DNAH6: variants seen among roughly 807,000 people sequenced by gnomAD.
DNAH6 encodes axonemal beta dynein heavy chain 6.
In DNAH6, 340 loss-of-function variants were observed where a neutral mutation model predicts 491.4. The observed-to-expected ratio is 0.69, with a 90% CI of 0.63 to 0.76. The LOEUF (loss-of-function observed/expected upper bound fraction) is 0.76, where lower values mean the gene tolerates loss of function less well. Among genes scored for constraint, DNAH6 ranks in the 30% least tolerant of loss-of-function variants. DNAH6 has a pLI of 0.00. For missense variants in DNAH6, 4,443 were observed against 4,972.2 expected (o/e 0.89, Z 3.20); for synonymous variants, 1,603 against 1,686.1 (o/e 0.95, Z 1.21).
chr2:84,596,521 G>A (rs1176730860), intron 18 of DNAH6, among the ~76,000 whole-genome samples: 1 of 152,014 alleles, frequency 6.6e-6, no homozygotes, highest in Non-Finnish European at 1.5e-5. Flanking sequence ...AGTAGAGACA[G>A]GGTTTCACTA....
In DNAH6 at chr2:84,812,511, G is replaced by A. The variant is rs1414740235; in HGVS notation, c.11910G>A (p.Arg3970=). ...LGSWVKDLIL[R]TSFVDLWLKR... ...CATGGGTCAAAGACCTTATCCTGAG[G>A]ACCTCATTTGTGGATGTAAGAAAAT... Residue 3970 remains arginine, a synonymous_variant, in exon 73 of 77, where the codon AGG becomes AGA. Coordinates refer to ENST00000389394, the MANE Select transcript of DNAH6 (RefSeq NM_001370.2). 16 of 1,547,734 alleles carry A rather than the reference G, an allele frequency of 1.0e-5. No homozygotes were observed. The South Asian group carries it at 1.7e-4, about 16-fold the overall frequency.
upstream of DNAH6, among the ~76,000 whole-genome samples, chr2:84,512,004 G>A (rs1037919277): frequency 6.6e-6 from 1 of 152,084 alleles, no homozygotes; most frequent in South Asian, 2.1e-4. Context: ...GACTTGTTTT[G>A]TGACCTAACA....
intron 76 of DNAH6, among the ~76,000 whole-genome samples, chr2:84,816,658 G>GTTCAA: frequency 6.6e-6 from 1 of 152,190 alleles, no homozygotes; most frequent in Non-Finnish European, 1.5e-5. Context: ...GGGAGGCGGA[G>GTTCAA]GTTGCAGTGA....
intron 54 of DNAH6, among the ~76,000 whole-genome samples, chr2:84,708,165 C>T (rs968601926): frequency 2.0e-5 from 3 of 151,920 alleles, no homozygotes; most frequent in Non-Finnish European, 2.9e-5. Flanking sequence ...CAGCTGGGTG[C>T]GGTGGCTCAT....
intron 16 of DNAH6, 106 bp downstream of exon 16, chr2:84,589,060 CTA>C: frequency 1.9e-6 from 2 of 1,060,254 alleles, no homozygotes; most frequent in Non-Finnish European, 2.6e-6. Flanking sequence ...ATTTGGACAA[CTA>C]TGTGCTAGTC....
chr2:84,778,274 G>A (rs1305358518), intron 64 of DNAH6: 3 of 570,372 alleles, frequency 5.3e-6, no homozygotes, highest in South Asian at 3.7e-5. Flanking sequence ...GCGGGCATCG[G>A]TGGCATGTGG....
At chr2:84,638,058 C>T (rs182915200) in intron 31 of DNAH6, among the ~76,000 whole-genome samples, 4 of 151,852 alleles carry the variant, frequency 2.6e-5, no homozygotes, top group Non-Finnish European at 5.9e-5. Flanking sequence ...GGTGAAATCC[C>T]GTCCCTACCA....
chr2:84,565,949 T>C (rs535828819), intron 11 of DNAH6, among the ~76,000 whole-genome samples: 1 of 151,976 alleles, frequency 6.6e-6, no homozygotes, highest in Non-Finnish European at 1.5e-5. Context: ...TCATGGTAGG[T>C]CCTTTTTCAT....
At chr2:84,614,943 T>G (rs1024229250) in intron 22 of DNAH6, among the ~76,000 whole-genome samples, 5 of 152,168 alleles carry the variant, frequency 3.3e-5, no homozygotes, top group African/African-American at 7.2e-5. Context: ...ATGTACAGAT[T>G]CTGAAGATTT....
At chr2:84,643,399 A>C (rs527812395) in intron 33 of DNAH6, among the ~76,000 whole-genome samples, 2 of 152,090 alleles carry the variant, frequency 1.3e-5, no homozygotes, top group Admixed American at 6.5e-5. Context: ...TCCTGGATCT[A>C]AGGTTTGGTG....
chr2:84,496,230 G>A, the DNAH6 span, among the ~76,000 whole-genome samples: 102 of 152,186 alleles, frequency 6.7e-4, 1 homozygote, highest in African/African-American at 2.2e-3. Context: ...CCAAGTTCAT[G>A]GTCCCTCCAC....
At chr2:84,810,144 G>C (rs752386417) in intron 72 of DNAH6, among the ~76,000 whole-genome samples, 41 of 151,776 alleles carry the variant, frequency 2.7e-4, no homozygotes, top group Non-Finnish European at 5.7e-4. Flanking sequence ...GATGAATTAG[G>C]GTCCCATCCT....
intron 76 of DNAH6, among the ~76,000 whole-genome samples, chr2:84,818,587 T>C (rs1365740243): frequency 6.8e-6 from 1 of 147,508 alleles, no homozygotes; most frequent in Non-Finnish European, 1.5e-5. Context: ...GAGAGGAATA[T>C]ATTTAAAATC....
intron 14 of DNAH6, among the ~76,000 whole-genome samples, chr2:84,580,562 T>C (rs1423003971): frequency 1.3e-5 from 2 of 152,228 alleles, no homozygotes; most frequent in African/African-American, 4.8e-5. Context: ...CTGAATGTTA[T>C]ATATTATTAA....
chr2:84,692,414 AAGGT>A (rs1324714272), intron 45 of DNAH6, among the ~76,000 whole-genome samples: 127 of 144,584 alleles, frequency 8.8e-4, no homozygotes, highest in Non-Finnish European at 1.3e-3. Context: ...CAATATAAAT[AAGGT>A]AGATAGATAG....
chr2:84,738,937 T>TATGTGCTTTC (rs1215198651), intron 62 of DNAH6, among the ~76,000 whole-genome samples: 1 of 152,234 alleles, frequency 6.6e-6, no homozygotes, highest in Admixed American at 6.5e-5. Context: ...TACTGTGGGC[T>TATGTGCTTTC]ATGTGCTTTC....
At chr2:84,703,754 C>G (rs1053082862) in intron 50 of DNAH6, among the ~76,000 whole-genome samples, 192 bp downstream of exon 50, 2 of 151,236 alleles carry the variant, frequency 1.3e-5, no homozygotes, top group Non-Finnish European at 2.9e-5. Flanking sequence ...TTTACTAAAT[C>G]AGTTTGGCTC....
chr2:84,537,559 A>G (rs1420366758), intron 4 of DNAH6, among the ~76,000 whole-genome samples: 2 of 152,094 alleles, frequency 1.3e-5, no homozygotes, highest in Admixed American at 1.3e-4. Context: ...CCTGAAGGCA[A>G]TAAGTGGTTC....
At chr2:84,720,436 G>T (rs1203303885) in intron 59 of DNAH6, among the ~76,000 whole-genome samples, 1 of 150,414 alleles carries the variant, frequency 6.6e-6, no homozygotes, top group South Asian at 2.1e-4. Flanking sequence ...CCGCCACTAC[G>T]CCCGGCTAAT....
Sources: allele counts gnomAD v4.1 joint callset (sites outside exome capture counted in the v4.1 genomes callset), GRCh38; gene constraint gnomAD v4.1.1; transcripts MANE v1.5; gene names NCBI Gene and HGNC (gene_info 2026-07-23, HGNC 2026-07-21).